Variants in BLM observed in about 807,000 individuals in gnomAD.
BLM encodes the protein BLM RecQ like helicase.
Under a neutral mutation model 135.3 loss-of-function variants are expected in BLM, and 95 were observed. The observed-to-expected ratio is 0.70, with a 90% confidence interval of 0.59 to 0.83. BLM has a LOEUF of 0.83. Among genes scored for constraint, BLM ranks in the 40% least tolerant of loss-of-function variants. The pLI is 0.00. For synonymous variants in BLM, 520 were observed against 589.2 expected (o/e 0.88, Z 1.70); for missense variants, 1,518 against 1,663.9 (o/e 0.91, Z 1.53).
chr15:90,784,958 A>G lies in BLM; in HGVS notation c.2700A>G (p.Glu900=). The G allele has an allele frequency of 6.2e-7, 1 of 1,614,146 alleles. No individual in the cohort carries two copies. Among genetic ancestry groups the G allele is most frequent in the Non-Finnish European group, 8.5e-7 (1 of 1,180,022 alleles). ...SGIIYCLSRR[E]CDTMADTLQR... ...TAATTTACTGCCTCTCCAGGCGAGA[A>G]TGTGACACCATGGCTGACACGTTAC... The change falls in exon 14 of 22, where the codon GAA becomes GAG. Residue 900 remains glutamate (E), a synonymous_variant. Transcript: ENST00000355112.
At chr15:90,728,658 G>T (rs1054805514) in intron 1 of BLM, among the ~76,000 whole-genome samples, 1 of 151,854 alleles carries the variant, frequency 6.6e-6, no homozygotes, top group African/African-American at 2.4e-5. Context: ...CACCCACCTT[G>T]GCCTCCCAAA....
At chr15:90,767,991 A>G (rs1445709312) in intron 10 of BLM, among the ~76,000 whole-genome samples, 1 of 148,276 alleles carries the variant, frequency 6.7e-6, no homozygotes, top group East Asian at 2.0e-4. Flanking sequence ...TCTGTCACCC[A>G]GGTGGGAGTG....
chr15:90,724,715 G>A (rs1812890279), intron 1 of BLM, among the ~76,000 whole-genome samples: 1 of 152,108 alleles, frequency 6.6e-6, no homozygotes, highest in Admixed American at 6.5e-5. Context: ...ATGTGGGAAG[G>A]GGTGTGGCAC....
At chr15:90,812,322 C>T (rs145020163) in intron 21 of BLM, among the ~76,000 whole-genome samples, 128 of 152,268 alleles carry the variant, frequency 8.4e-4, no homozygotes, top group African/African-American at 2.6e-3. Context: ...TTAGGGGTTG[C>T]GTAAATGGCT....
Position 90,803,670 on chromosome 15 carries a change from T to C in BLM, c.3508T>C (p.Tyr1170His). ...YINANDQAIA[Y>H]VMLGNKAQTV... The stretch of plus-strand genomic sequence containing the variant: ...CAATGCCAATGACCAGGCGATCGCT[T>C]ATGTGATGCTCGGAAATAAAGCCCA... Residue 1170 changes from tyrosine (Y) to histidine (H), a missense_variant, in exon 18 of 22, where the codon TAT becomes CAT. Coordinates refer to ENST00000355112, the MANE Select transcript of BLM (RefSeq NM_000057.4). The C allele has an allele frequency of 6.2e-7, 1 of 1,614,192 alleles. No homozygotes were observed. The highest frequency in any genetic ancestry group is 8.5e-7 in the Non-Finnish European group (1 of 1,180,020).
Position 90,804,160 on chromosome 15 carries a change from C to A in BLM, c.3559-7C>A, listed in dbSNP as rs772254909. 3.1e-6 allele frequency: 5 copies of A among 1,612,452 alleles called. No individual in the cohort carries two copies. The highest frequency in any genetic ancestry group is 4.2e-6 in the Non-Finnish European group (5 of 1,178,710). ...CCACTCCTATGATTTGTTTCTCTCT[C>A]ATAAAGGTAGACTTTATGGAAACAG... On this transcript the variant is annotated splice_region_variant and splice_polypyrimidine_tract_variant and intron_variant, in intron 18 of 21. Transcript: ENST00000355112.
intron 1 of BLM, among the ~76,000 whole-genome samples, chr15:90,737,610 A>G (rs1895252618): frequency 6.6e-6 from 1 of 152,224 alleles, no homozygotes; most frequent in Admixed American, 6.5e-5. Context: ...GAGACATTAG[A>G]GTATATCTTG....
rs1442956181 is a variant in BLM at position 90,720,788 on chromosome 15, C to T, written c.-5+3348C>T. 3.3e-5 allele frequency among the ~76,000 whole-genome samples: 5 copies of T among 152,044 alleles called. 1 individual carries two copies. In the East Asian group the frequency reaches 7.7e-4, roughly 23 times the overall value. ...TTTTGATTTTTTGTAGAGATAGGGT[C>T]TCGCCGTGTTGTTCAGGCTGATCTC... On this transcript the variant is annotated intron_variant, in intron 1 of 21. Coordinates refer to ENST00000355112, the MANE Select transcript of BLM (RefSeq NM_000057.4).
chr15:90,792,411 C>T (rs1199616531), intron 15 of BLM, among the ~76,000 whole-genome samples: 1 of 151,498 alleles, frequency 6.6e-6, no homozygotes, highest in Non-Finnish European at 1.5e-5. Flanking sequence ...CAGCCGAGAC[C>T]ACTTTTAAAT....
rs1176242752 is a variant in BLM at position 90,754,861 on chromosome 15, C to T, written c.1010C>T (p.Thr337Ile). The change falls in exon 5 of 22, where the codon ACA becomes ATA. Residue 337 changes from threonine to isoleucine, a missense_variant. Thr to Ile is a moderately conservative substitution (Grantham distance 89). Coordinates refer to ENST00000355112, the MANE Select transcript of BLM (RefSeq NM_000057.4). ...TSDRKEDVLS[T>I]SKDLLSKPEK... ...GACAGAAAAGAGGATGTTCTTAGCA[C>T]ATCAAAAGATCTTTTGTCAAAACCT... 4 of 1,613,754 alleles carry T rather than the reference C, an allele frequency of 2.5e-6. No homozygotes were observed. Among genetic ancestry groups the T allele is most frequent in the East Asian group, 2.2e-5 (1 of 44,880 alleles).
chr15:90,790,119 G>A (rs1896867242), intron 14 of BLM, among the ~76,000 whole-genome samples: 1 of 148,264 alleles, frequency 6.7e-6, no homozygotes, highest in Non-Finnish European at 1.5e-5. Flanking sequence ...AGGAGTTGAT[G>A]TGTGATCAGC....
intron 2 of BLM, among the ~76,000 whole-genome samples, chr15:90,748,235 A>G (rs1162920660): frequency 6.6e-6 from 1 of 151,798 alleles, no homozygotes; most frequent in East Asian, 1.9e-4. Context: ...CAGCCTCCCA[A>G]GTAGCTGGGA....
intron 8 of BLM, among the ~76,000 whole-genome samples, chr15:90,763,648 A>T (rs546929648): frequency 1.3e-5 from 2 of 152,266 alleles, no homozygotes; most frequent in Non-Finnish European, 2.9e-5. Flanking sequence ...CCCTGGGCCC[A>T]TTTTCTCATG....
chr15:90,763,291 T>A, intron 8 of BLM, 134 bp downstream of exon 8: 1 of 891,438 alleles, frequency 1.1e-6, no homozygotes, highest in Non-Finnish European at 1.8e-6. Flanking sequence ...TGTACCATAG[T>A]GAGAAAGCAT....
intron 12 of BLM, among the ~76,000 whole-genome samples, chr15:90,777,429 A>T (rs1340939285): frequency 1.3e-5 from 2 of 152,216 alleles, no homozygotes; most frequent in Non-Finnish European, 2.9e-5. Flanking sequence ...CTGGGATTAG[A>T]GGCGTGAGCC....
chr15:90,728,101 A>G (rs748033770), intron 1 of BLM, among the ~76,000 whole-genome samples: 3 of 151,782 alleles, frequency 2.0e-5, no homozygotes, highest in South Asian at 2.1e-4. Context: ...AAGTGGTGCA[A>G]TCACAGCTTA....
At chr15:90,759,545 G>A (rs1417238817) in intron 5 of BLM, among the ~76,000 whole-genome samples, 1 of 152,098 alleles carries the variant, frequency 6.6e-6, no homozygotes, top group Non-Finnish European at 1.5e-5. Flanking sequence ...AGTGAGCAGT[G>A]ATTGCACCAC....
In BLM at chr15:90,747,237, C is replaced by CAAAAAAAAA. The variant is rs59331923; in HGVS notation, c.-4-134_-4-126dup. On this transcript the variant is annotated intron_variant, in intron 1 of 21. Coordinates refer to ENST00000355112, the MANE Select transcript of BLM (RefSeq NM_000057.4). ...GTAAATGTCAAAACAGTCTATTGACCAAAAAAAAAAAAAAAAAAAAAAAAA... is the reference window on the plus strand; with the variant it reads ...GTAAATGTCAAAACAGTCTATTGACCAAAAAAAAAAAAAAAAAAAAAAAAAAAAAAAAAA... 1.3e-3 allele frequency among the ~76,000 whole-genome samples: 52 copies of CAAAAAAAAA among 39,294 alleles called. 4 individuals carry two copies. Among genetic ancestry groups the CAAAAAAAAA allele is most frequent in the African/African-American group, 4.7e-3 (50 of 10,580 alleles). The allele number at this position is 39,294 out of a possible 152,430, so 25.8% of individuals were successfully genotyped here. A position where few individuals can be genotyped will look rare whatever the true frequency, so the allele number is the denominator to read the frequency against.
Position 90,765,281 on chromosome 15 carries a change from A to G in BLM, c.2075-15A>G. The G allele has an allele frequency of 6.4e-7, 1 of 1,557,586 alleles. No individual in the cohort carries two copies. Among genetic ancestry groups the G allele is most frequent in the South Asian group, 1.1e-5 (1 of 89,946 alleles). On this transcript the variant is annotated splice_polypyrimidine_tract_variant and intron_variant, in intron 8 of 21. Coordinates refer to ENST00000355112, the MANE Select transcript of BLM (RefSeq NM_000057.4). ...GACAGAACCTGACAGATATTTTTTC[A>G]TTGTTCTCTTTCAGGAGGTGGTAAG... is the stretch of plus-strand genomic sequence containing the variant.
Sources: gnomAD v4.1 joint callset for allele counts (sites outside exome capture counted in the v4.1 genomes callset) on GRCh38, gnomAD v4.1.1 for gene constraint, MANE v1.5 for transcripts, NCBI Gene and HGNC (gene_info 2026-07-23, HGNC 2026-07-21) for gene names.